The following WIZ variants were observed in gnomAD, a reference collection of about 807,000 sequenced individuals.
WIZ encodes protein Wiz.
In WIZ, 25 loss-of-function variants were observed where a neutral mutation model predicts 140.2. The ratio of observed to expected loss-of-function variants is 0.18; its 90% confidence interval spans 0.13 to 0.25. The LOEUF is 0.25. WIZ is among the 10% of genes least tolerant of loss of function. WIZ has a pLI of 1.00. For synonymous variants in WIZ, 1,125 were observed against 1,154.3 expected, an observed-to-expected ratio of 0.97 and a Z score of 0.51; for missense variants, 2,231 against 2,632.6, an observed-to-expected ratio of 0.85 and a Z score of 3.34.
chr19:15,432,445 G>T (rs1969313838), intron 5 of WIZ: 1 of 984,250 alleles, frequency 1.0e-6, no homozygotes, highest in Admixed American at 6.2e-5. Context: ...GGGCGCGGGA[G>T]CGGACGCGGG....
Position 15,423,001 on chromosome 19 carries a change from A to T in WIZ, c.*75T>A. 6.5e-7 allele frequency: 1 copy of T among 1,550,120 alleles called. No individual in the cohort carries two copies. The highest frequency in any genetic ancestry group is 8.7e-7 in the Non-Finnish European group (1 of 1,148,354). On this transcript the variant is annotated 3_prime_UTR_variant, in exon 13 of 13. Transcript: ENST00000673675. Reference sequence around the variant, plus strand: ...TCCTTTGGAAACGGAAAGAAAGAGGAAGAGGGACAAGGACACAGAGGAGGA... The same window carrying T: ...TCCTTTGGAAACGGAAAGAAAGAGGTAGAGGGACAAGGACACAGAGGAGGA...
At position 15,425,322 on chromosome 19, in the gene WIZ, C is replaced by T; in HGVS notation, c.4813G>A (p.Ala1605Thr). 1 of 1,577,422 alleles carries T rather than the reference C, an allele frequency of 6.3e-7. No individual in the cohort carries two copies. Among genetic ancestry groups the T allele is most frequent in the Non-Finnish European group, 8.6e-7 (1 of 1,161,962 alleles). Reference sequence around the variant, plus strand: ...ATGTAGGTCTTGGCCTTGACCTCTGCTGGGAGGAGGCGGTCCTCCTGCAGG... The same window carrying T: ...ATGTAGGTCTTGGCCTTGACCTCTGTTGGGAGGAGGCGGTCCTCCTGCAGG... The part of the protein sequence containing the change: ...RPLQEDRLLP[A>T]EVKAKTYIQT... The change falls in exon 10 of 13, where the codon GCA (alanine) becomes ACA (threonine). Residue 1605 changes from alanine (A) to threonine (T), a missense_variant. Physicochemically the swap from Ala to Thr is moderately conservative, Grantham distance 58. Coordinates refer to ENST00000673675, the MANE Select transcript of WIZ (RefSeq NM_001371589.1).
In WIZ at chr19:15,448,310, G is replaced by T; in HGVS notation, c.-3C>A. On this transcript the variant is annotated 5_prime_UTR_variant, in exon 2 of 13. Transcript: ENST00000673675. ...CTGCCTGCCAGAGACCCCTCCATCGGATTTTCTCTGCTTGGATCCACTCAG... is the reference window on the plus strand; with the variant it reads ...CTGCCTGCCAGAGACCCCTCCATCGTATTTTCTCTGCTTGGATCCACTCAG... 1.9e-6 allele frequency: 3 copies of T among 1,611,462 alleles called. No individual in the cohort carries two copies. The highest frequency in any genetic ancestry group is 2.5e-6 in the Non-Finnish European group (3 of 1,179,826).
intron 2 of WIZ, among the ~76,000 whole-genome samples, chr19:15,447,403 C>T (rs1175974218): frequency 6.6e-6 from 1 of 152,252 alleles, no homozygotes; most frequent in African/African-American, 2.4e-5. Context: ...AATGCCTTCA[C>T]AGCATCTGTC....
At position 15,424,463 on chromosome 19, in the gene WIZ, T is replaced by C; in HGVS notation, c.5315-85A>G. 1 of 1,541,022 alleles carries C rather than the reference T, an allele frequency of 6.5e-7. No individual in the cohort carries two copies. Among genetic ancestry groups the C allele is most frequent in the Admixed American group, 2.0e-5 (1 of 49,464 alleles). On this transcript the variant is annotated intron_variant, in intron 11 of 12. Transcript: ENST00000673675. The surrounding 1 kb of genome is among the most constrained non-coding windows in gnomAD (Gnocchi z 9.7). ...ATACACAAGAGCTGAGGACTGATGC[T>C]ACCTGGATGGGTGGGATGGGGGATG...
At chr19:15,430,899 A>G in intron 6 of WIZ, 113 bp downstream of exon 6, 1 of 1,334,256 alleles carries the variant, frequency 7.5e-7, no homozygotes, top group South Asian at 1.6e-5. Context: ...AAGGTGCCAG[A>G]GGGAAAACTG....
At position 15,424,046 on chromosome 19, in the gene WIZ, G is replaced by A. The variant is rs2145196343; in HGVS notation, c.5510+137C>T. ...ACAAAGCTCAGGGTGTCAGCCTTTA[G>A]CCTGAGCCCCACCACACCCAAGGGC... On this transcript the variant is annotated intron_variant, in intron 12 of 12. Transcript: ENST00000673675. This position sits in a 1 kb window ranked among gnomAD's most constrained non-coding sequence, Gnocchi z 9.7. 1 of 781,292 alleles carries A rather than the reference G, an allele frequency of 1.3e-6. No homozygotes were observed. Among genetic ancestry groups the A allele is most frequent in the East Asian group, 3.3e-5 (1 of 30,270 alleles). 48.4% of individuals were successfully genotyped at this position (781,292 alleles called of 1,614,324 possible).
rs1432849870 is a variant in WIZ at position 15,440,236 on chromosome 19, C to T, written c.758G>A (p.Gly253Asp). The change falls in exon 4 of 13, where the codon GGC (glycine) becomes GAC (aspartate). Residue 253 changes from glycine to aspartate, a missense_variant. Physicochemically the swap from Gly to Asp is moderately conservative, Grantham distance 94. Around this residue, in one of 15 missense-constraint regions of WIZ, gnomAD observed 307 missense variants for 294.1 expected, o/e 1.04. Transcript: ENST00000673675. This position sits in a 1 kb window ranked among gnomAD's most constrained non-coding sequence, Gnocchi z 6.2. The part of the protein sequence containing the change: ...LEGLAQPSEW[G>D]LPTSASEVAT... ...TACCTCCGAGGCTGACGTGGGTAGG[C>T]CCCACTCGGACGGCTGGGCCAGCCC... The T allele has an allele frequency of 1.3e-6, 2 of 1,501,620 alleles. No individual in the cohort carries two copies. Among genetic ancestry groups the T allele is most frequent in the Non-Finnish European group, 1.8e-6 (2 of 1,129,840 alleles). The allele number at this position is 1,501,620 out of a possible 1,614,324, so 93.0% of individuals were successfully genotyped here.
Position 15,428,489 on chromosome 19 carries a change from G to A in WIZ, c.3435C>T (p.Gly1145=). 3 of 1,535,576 alleles carry A rather than the reference G, an allele frequency of 2.0e-6. No homozygotes were observed. The highest frequency in any genetic ancestry group is 2.4e-5 in the East Asian group (1 of 40,890). The change falls in exon 8 of 13, where the codon GGC becomes GGT. Residue 1145 remains glycine (G), a synonymous_variant. Transcript: ENST00000673675. The surrounding 1 kb of genome is among the most constrained non-coding windows in gnomAD (Gnocchi z 6.4). ...PLNLTLDSDG[G]RELDCQLCGA... ...CGCACAGCTGGCAGTCCAGCTCTCT[G>A]CCCCCGTCACTATCTAAAGCTGCGG... is the stretch of plus-strand genomic sequence containing the variant.
In WIZ at chr19:15,440,178, A is replaced by C; in HGVS notation, c.816T>G (p.Ala272=). The C allele has an allele frequency of 6.5e-7, 1 of 1,532,152 alleles. No homozygotes were observed. The highest frequency in any genetic ancestry group is 8.7e-7 in the Non-Finnish European group (1 of 1,145,168). The allele number at this position is 1,532,152 out of a possible 1,614,324, so 94.9% of individuals were successfully genotyped here. A position where few individuals can be genotyped will look rare whatever the true frequency, so the allele number is the denominator to read the frequency against. The part of the protein sequence containing the change: ...ATQTWTVNSE[A]SVERLQPLLP... The stretch of plus-strand genomic sequence containing the variant: ...GTAGCGGCTGCAGCCGCTCCACAGA[A>C]GCCTCCGAGTTCACTGTCCAGGTCT... Residue 272 remains alanine (A), a synonymous_variant, in exon 4 of 13, where the codon GCT becomes GCG. Coordinates refer to ENST00000673675, the MANE Select transcript of WIZ (RefSeq NM_001371589.1). The surrounding 1 kb of genome is among the most constrained non-coding windows in gnomAD (Gnocchi z 6.2).
Position 15,424,812 on chromosome 19 carries a change from G to A in WIZ, c.5115C>T (p.Arg1705=). Residue 1705 remains arginine (R), a synonymous_variant, in exon 11 of 13, where the codon CGC becomes CGT. Transcript: ENST00000673675. This position sits in a 1 kb window ranked among gnomAD's most constrained non-coding sequence, Gnocchi z 9.7. The part of the protein sequence containing the change: ...QGGRPFTKKF[R]SAGHGRDSDK... ...CACTGTCACGGCCATGGCCGGCACT[G>A]CGGAACTTCTTGGTGAAGGGGCGGC... 6.2e-7 allele frequency: 1 copy of A among 1,607,522 alleles called. No homozygotes were observed. Among genetic ancestry groups the A allele is most frequent in the African/African-American group, 1.3e-5 (1 of 75,008 alleles).
In WIZ at chr19:15,440,059, G is replaced by A. The variant is rs1440031192; in HGVS notation, c.935C>T (p.Pro312Leu). The A allele has an allele frequency of 7.8e-6, 12 of 1,535,728 alleles. No homozygotes were observed. Among genetic ancestry groups the A allele is most frequent in the Admixed American group, 3.9e-5 (2 of 50,960 alleles). ...GCACTCGATGCATGGGAACACGGCC[G>A]GCTCCTCGTCCTCGTCCTCATCTGG... ...ASPDEDEDEE[P>L]AVFPCIECSI... The change falls in exon 4 of 13, where the codon CCG becomes CTG. Residue 312 changes from proline to leucine, a missense_variant. By Grantham distance (98) the Pro-to-Leu change is moderately conservative (BLOSUM62 -3). Coordinates refer to ENST00000673675, the MANE Select transcript of WIZ (RefSeq NM_001371589.1). This position sits in a 1 kb window ranked among gnomAD's most constrained non-coding sequence, Gnocchi z 6.2.
At chr19:15,432,011 G>T (rs1406416833) in intron 5 of WIZ, among the ~76,000 whole-genome samples, 1 of 152,200 alleles carries the variant, frequency 6.6e-6, no homozygotes, top group Non-Finnish European at 1.5e-5. Context: ...ACGGGGCAGG[G>T]GGCCATGTAG....
At chr19:15,426,938 C>A (rs764175459) in intron 9 of WIZ, 44 bp downstream of exon 9, 2 of 1,559,906 alleles carry the variant, frequency 1.3e-6, no homozygotes, top group Admixed American at 1.8e-5. Flanking sequence ...AGGGAGGAGA[C>A]CCCTCCAACT....
At chr19:15,426,532 T>C (rs1968832030) in intron 9 of WIZ, among the ~76,000 whole-genome samples, 1 of 152,236 alleles carries the variant, frequency 6.6e-6, no homozygotes, top group Non-Finnish European at 1.5e-5. Flanking sequence ...CACATAAAGC[T>C]AGACTGTGGA....
In WIZ at chr19:15,427,545, G is replaced by A. The variant is rs764961408; in HGVS notation, c.3815-12C>T. The A allele has an allele frequency of 6.3e-7, 1 of 1,598,614 alleles. No individual in the cohort carries two copies. The highest frequency in any genetic ancestry group is 8.5e-7 in the Non-Finnish European group (1 of 1,170,160). On this transcript the variant is annotated splice_polypyrimidine_tract_variant and intron_variant, in intron 8 of 12. Coordinates refer to ENST00000673675, the MANE Select transcript of WIZ (RefSeq NM_001371589.1). The surrounding 1 kb of genome is among the most constrained non-coding windows in gnomAD (Gnocchi z 6.4). Reference sequence around the variant, plus strand: ...CTCTGGGCCTGAGGCTGCAGCAGGAGGAGAAAGGGGCAGTTAGCATCGTGG... The same window carrying A: ...CTCTGGGCCTGAGGCTGCAGCAGGAAGAGAAAGGGGCAGTTAGCATCGTGG...
At position 15,448,284 on chromosome 19, in the gene WIZ, G is replaced by C. The variant is rs1308730482; in HGVS notation, c.24C>G (p.Ser8Arg). The C allele has an allele frequency of 1.2e-6, 2 of 1,612,800 alleles. No homozygotes were observed. The highest frequency in any genetic ancestry group is 2.7e-5 in the African/African-American group (2 of 74,904). The change falls in exon 2 of 13, where the codon AGC (serine) becomes AGG (arginine). Residue 8 changes from serine (S) to arginine (R), a missense_variant. Around this residue, in one of 15 missense-constraint regions of WIZ, gnomAD observed 85 missense variants for 90.9 expected, o/e 0.94. Coordinates refer to ENST00000673675, the MANE Select transcript of WIZ (RefSeq NM_001371589.1). ...CTTGGGGACGATCTGGTGCAGCCAG[G>C]CTGCCTGCCAGAGACCCCTCCATCG... The part of the protein sequence containing the change: MEGSLAG[S>R]LAAPDRPQGP...
chr19:15,430,880 T>C, intron 6 of WIZ, 132 bp downstream of exon 6: 3 of 1,167,282 alleles, frequency 2.6e-6, no homozygotes, highest in Non-Finnish European at 3.5e-6. Context: ...GTGCCAACCT[T>C]GGTGCCTCAA....
chr19:15,430,806 T>A (rs1474515273), intron 6 of WIZ, among the ~76,000 whole-genome samples: 2 of 152,156 alleles, frequency 1.3e-5, no homozygotes, highest in African/African-American at 4.8e-5. Context: ...CCTCGCCCCG[T>A]GAGGGTGCAG....
Sources: allele counts gnomAD v4.1 joint callset (sites outside exome capture counted in the v4.1 genomes callset), GRCh38; gene constraint gnomAD v4.1.1; regional missense constraint gnomAD v4.1.1; non-coding constraint Gnocchi (gnomAD v3.1); transcripts MANE v1.5; gene names NCBI Gene and HGNC (gene_info 2026-07-23, HGNC 2026-07-21).